The following MYL7 variants were observed in gnomAD, a reference collection of about 807,000 sequenced individuals.
MYL7 encodes myosin light chain 7.
MYL7 carries 27 observed loss-of-function variants against 22.5 expected under a neutral mutation model. That is an observed-to-expected ratio of 1.20 (90% CI 0.89 to 1.66). MYL7 has a LOEUF of 1.66. Ranked by LOEUF, MYL7 falls within the 40% of genes most tolerant of loss-of-function variation. The pLI is 0.00. For synonymous variants in MYL7, 81 were observed against 84.4 expected, an observed-to-expected ratio of 0.96 and a Z score of 0.22; for missense variants, 209 against 226.8, an observed-to-expected ratio of 0.92 and a Z score of 0.50.
At position 44,138,961 on chromosome 7, in the gene MYL7, A is replaced by G. The variant is rs2096261831; in HGVS notation, c.488T>C (p.Leu163Pro). The change falls in exon 7 of 7, where the codon CTG becomes CCG. Residue 163 changes from leucine (L) to proline (P), a missense_variant. By Grantham distance (98) the Leu-to-Pro change is moderately conservative. Coordinates refer to ENST00000223364, the MANE Select transcript of MYL7 (RefSeq NM_021223.3). ...GTCTCCATGGGTGATGATGTAGCAC[A>G]GTGACTTGTAGTCGATGTTCCCCGC... ...DLAGNIDYKS[L>P]CYIITHGDEK... The G allele has an allele frequency of 2.5e-6, 4 of 1,614,006 alleles. No homozygotes were observed. The highest frequency in any genetic ancestry group is 3.4e-6 in the Non-Finnish European group (4 of 1,179,998).
intron 6 of MYL7, 169 bp downstream of exon 6, chr7:44,139,352 C>T (rs1350751142): frequency 1.2e-6 from 1 of 829,960 alleles, no homozygotes; most frequent in Non-Finnish European, 2.1e-6. Flanking sequence ...GCCCTCTTTT[C>T]TGACTCCACA....
rs1481881003 is a variant in MYL7 at position 44,139,032 on chromosome 7, A to T, written c.427-10T>A. On this transcript the variant is annotated splice_polypyrimidine_tract_variant and intron_variant, in intron 6 of 6. Coordinates refer to ENST00000223364, the MANE Select transcript of MYL7 (RefSeq NM_021223.3). ...CGAACATCTGCTCCACCTGCAGGGG[A>T]CACTGGTGAGTGGCAGTCCCCTGGC... The T allele has an allele frequency of 6.2e-7, 1 of 1,611,408 alleles. No individual in the cohort carries two copies. The highest frequency in any genetic ancestry group is 1.1e-5 in the South Asian group (1 of 91,036).
chr7:44,139,948 C>T, intron 4 of MYL7, 88 bp from the exon 5 acceptor site: 1 of 1,189,992 alleles, frequency 8.4e-7, no homozygotes. Context: ...GAGGAGCCTC[C>T]CACATCCCAG....
chr7:44,139,326 C>T, intron 6 of MYL7, 195 bp downstream of exon 6: 2 of 735,658 alleles, frequency 2.7e-6, no homozygotes, highest in Non-Finnish European at 4.8e-6. Flanking sequence ...CACAGTCTCC[C>T]TGCCTGGCGC....
intron 2 of MYL7, 60 bp from the exon 3 acceptor site, chr7:44,140,847 G>A: frequency 1.9e-6 from 3 of 1,603,938 alleles, no homozygotes; most frequent in Non-Finnish European, 2.6e-6. Flanking sequence ...GTGGGAGGTG[G>A]GGGAGAGACC....
At chr7:44,139,952 A>C in intron 4 of MYL7, 92 bp from the exon 5 acceptor site, 3 of 1,092,486 alleles carry the variant, frequency 2.7e-6, no homozygotes, top group Non-Finnish European at 1.3e-6. Context: ...AGCCTCCCAC[A>C]TCCCAGAAGA....
chr7:44,139,303 C>A, intron 6 of MYL7: 1 of 693,624 alleles, frequency 1.4e-6, no homozygotes. Flanking sequence ...ATCCACTTCC[C>A]CCCAGGTCTG....
rs774477529 is a variant in MYL7 at position 44,138,878 on chromosome 7, CAG to C, written c.*41_*42del. On this transcript the variant is annotated 3_prime_UTR_variant, in exon 7 of 7. Transcript: ENST00000223364. ...CACCACAGCAATTCCAATTTTGCAA[CAG>C]AGTTTATTGAGGTGCCCCCCCGTGG... is the stretch of plus-strand genomic sequence containing the variant. The C allele has an allele frequency of 1.2e-5, 18 of 1,542,682 alleles. No homozygotes were observed. Among genetic ancestry groups the C allele is most frequent in the Admixed American group, 3.3e-5 (2 of 59,812 alleles).
rs201553455 is a variant in MYL7, at chr7:44,141,033, G to T, written c.45C>A (p.Thr15=). 6.2e-7 allele frequency: 1 copy of T among 1,613,996 alleles called. No individual in the cohort carries two copies. The highest frequency in any genetic ancestry group is 2.2e-5 in the East Asian group (1 of 44,864). ...KAGTRGKVAA[T]KQAQRGSSNV... is the part of the protein sequence containing the mutation. ...TGGAAGAACCACGTTGGGCCTGCTTGGTGGCTGCCACCTTGCCCCGGGTCC... is the reference window on the plus strand; with the variant it reads ...TGGAAGAACCACGTTGGGCCTGCTTTGTGGCTGCCACCTTGCCCCGGGTCC... Residue 15 remains threonine (T), a synonymous_variant, in exon 2 of 7, where the codon ACC becomes ACA. Coordinates refer to ENST00000223364, the MANE Select transcript of MYL7 (RefSeq NM_021223.3).
At position 44,139,823 on chromosome 7, in the gene MYL7, G is replaced by A; in HGVS notation, c.336C>T (p.Arg112=). 8 of 1,611,848 alleles carry A rather than the reference G, an allele frequency of 5.0e-6. No individual in the cohort carries two copies. Among genetic ancestry groups the A allele is most frequent in the Non-Finnish European group, 6.8e-6 (8 of 1,179,552 alleles). The change falls in exon 5 of 7, where the codon CGC becomes CGT. Residue 112 remains arginine (R), a synonymous_variant. Transcript: ENST00000223364. ...CCCCTTTGCCGCTGGGGTCAAACATGCGGAAGGCACTCAGGATGGCTTCCT... is the reference window on the plus strand; with the variant it reads ...CCCCTTTGCCGCTGGGGTCAAACATACGGAAGGCACTCAGGATGGCTTCCT... ...DPEEAILSAF[R]MFDPSGKGVV...
At position 44,141,006 on chromosome 7, in the gene MYL7, G is replaced by A. The variant is rs753429626; in HGVS notation, c.72C>T (p.Asn24=). 3.8e-5 allele frequency: 62 copies of A among 1,613,828 alleles called. No homozygotes were observed. The African/African-American group carries it at 4.8e-4, about 13-fold the overall frequency. Residue 24 remains asparagine (N), a synonymous_variant, in exon 2 of 7, where the codon AAC becomes AAT. Transcript: ENST00000223364. ...GGGCTTGTTCAAACATGGAAAAGAC[G>A]TTGGAAGAACCACGTTGGGCCTGCT... ...ATKQAQRGSS[N]VFSMFEQAQI...
chr7:44,139,572 G>C lies in MYL7; in HGVS notation c.378-3C>G, dbSNP rs761235125. 6.2e-7 allele frequency: 1 copy of C among 1,604,330 alleles called. No individual in the cohort carries two copies. The highest frequency in any genetic ancestry group is 1.7e-5 in the Admixed American group (1 of 59,010). On this transcript the variant is annotated splice_region_variant and splice_polypyrimidine_tract_variant and intron_variant, in intron 5 of 6. Coordinates refer to ENST00000223364, the MANE Select transcript of MYL7 (RefSeq NM_021223.3). Reference sequence around the variant, plus strand: ...GGGTCAGGAGAAGCTGCTTGAACCTGGGGGGTGAGGAGGGTCTGAGCAGGA... The same window carrying C: ...GGGTCAGGAGAAGCTGCTTGAACCTCGGGGGTGAGGAGGGTCTGAGCAGGA...
chr7:44,138,988 AG>A lies in MYL7; in HGVS notation c.460del (p.Leu154TrpfsTer35). 1 of 1,614,082 alleles carries A rather than the reference AG, an allele frequency of 6.2e-7. No individual in the cohort carries two copies. ...TGACTTGTAGTCGATGTTCCCCGCC[AG>A]GTCCATGGGTGTCAGGGCGAACATC... is the stretch of plus-strand genomic sequence containing the variant. Reference protein sequence around the residue: ...EQMFALTPMDLAGNIDYKSLC... With the variant: ...EQMFALTPMDXAGNIDYKSLC... On this transcript the variant is annotated frameshift_variant, in exon 7 of 7. Transcript: ENST00000223364. LOFTEE classifies it high-confidence loss of function.
At chr7:44,140,517 G>C in intron 3 of MYL7, 90 bp from the exon 4 acceptor site, 3 of 1,279,580 alleles carry the variant, frequency 2.3e-6, no homozygotes, top group Non-Finnish European at 3.3e-6. Context: ...GGCCACAGGG[G>C]CTGGAGGGGC....
Position 44,138,896 on chromosome 7 carries a change from C to G in MYL7, c.*25G>C. The G allele has an allele frequency of 6.3e-7, 1 of 1,584,974 alleles. No individual in the cohort carries two copies. The highest frequency in any genetic ancestry group is 8.7e-7 in the Non-Finnish European group (1 of 1,153,594). On this transcript the variant is annotated 3_prime_UTR_variant, in exon 7 of 7. Transcript: ENST00000223364. The stretch of plus-strand genomic sequence containing the variant: ...TTTGCAACAGAGTTTATTGAGGTGC[C>G]CCCCCGTGGGCCTGGCCCTGCCCCT...
intron 4 of MYL7, 145 bp from the exon 5 acceptor site, chr7:44,140,005 TG>T: frequency 1.3e-6 from 1 of 784,762 alleles, no homozygotes; most frequent in Non-Finnish European, 2.0e-6. Context: ...CGGGGATCAG[TG>T]GGGCTGGGAA....
chr7:44,139,230 A>G (rs882019), intron 6 of MYL7, among the ~76,000 whole-genome samples: 79,425 of 152,100 alleles, frequency 0.52, 21,399 homozygotes, highest in African/African-American at 0.64. Flanking sequence ...GTGGGCCAAG[A>G]GGCAAAGGAC....
chr7:44,140,249 G>T, intron 4 of MYL7, 74 bp downstream of exon 4: 1 of 1,272,168 alleles, frequency 7.9e-7, no homozygotes, highest in South Asian at 1.2e-5. Flanking sequence ...GGTTCAGGCA[G>T]GGTTCAGGTG....
At chr7:44,139,697 G>A (rs1583582281) in intron 5 of MYL7, 85 bp downstream of exon 5, 1 of 1,575,650 alleles carries the variant, frequency 6.3e-7, no homozygotes, top group Non-Finnish European at 8.6e-7. Context: ...AGGCCCCGAA[G>A]CACAGGCAGC....
Sources: allele counts gnomAD v4.1 joint callset (sites outside exome capture counted in the v4.1 genomes callset), GRCh38; gene constraint gnomAD v4.1.1; transcripts MANE v1.5; gene names NCBI Gene and HGNC (gene_info 2026-07-23, HGNC 2026-07-21).